Variants in TMEM161B observed in about 807,000 individuals in gnomAD.
TMEM161B encodes the protein transmembrane protein 161B.
In TMEM161B, 34 loss-of-function variants were observed where a neutral mutation model predicts 61.8. That is an observed-to-expected ratio of 0.55 (90% CI 0.42 to 0.73). The LOEUF is 0.73. Among genes scored for constraint, TMEM161B ranks in the 30% least tolerant of loss-of-function variants. The pLI is 0.00. For synonymous variants in TMEM161B, 167 were observed against 192.8 expected, an observed-to-expected ratio of 0.87 and a Z score of 1.11; for missense variants, 456 against 558.5, an observed-to-expected ratio of 0.82 and a Z score of 1.85.
chr5:88,268,173 TAA>T (rs922094563), intron 1 of TMEM161B, among the ~76,000 whole-genome samples: 1 of 152,228 alleles, frequency 6.6e-6, no homozygotes, highest in African/African-American at 2.4e-5. Context: ...TCCTTTCGAA[TAA>T]AGTCTGTCCT....
chr5:88,225,900 G>T, intron 3 of TMEM161B, 34 bp from the exon 4 acceptor site: 2 of 1,386,864 alleles, frequency 1.4e-6, no homozygotes. Context: ...CAAAAAACAA[G>T]TTACCTACAC....
At chr5:88,258,744 A>C (rs2112764952) in intron 1 of TMEM161B, among the ~76,000 whole-genome samples, 1 of 152,272 alleles carries the variant, frequency 6.6e-6, no homozygotes, top group Non-Finnish European at 1.5e-5. Flanking sequence ...AGAAAGCAGG[A>C]AACTATGGCA....
At chr5:88,237,680 A>C (rs929399695) in intron 2 of TMEM161B, among the ~76,000 whole-genome samples, 2 of 151,170 alleles carry the variant, frequency 1.3e-5, no homozygotes, top group African/African-American at 2.4e-5. Context: ...TTAAACAATT[A>C]TAAGGGTAAT....
intron 8 of TMEM161B, 141 bp from the exon 9 acceptor site, chr5:88,203,216 T>G: frequency 1.8e-6 from 1 of 553,648 alleles, no homozygotes; most frequent in Non-Finnish European, 3.2e-6. Flanking sequence ...CACCATCATT[T>G]TATATTTATC....
downstream of TMEM161B, among the ~76,000 whole-genome samples, chr5:88,191,558 A>T (rs1748854378): frequency 1.3e-5 from 2 of 152,208 alleles, no homozygotes; most frequent in Admixed American, 6.5e-5. Context: ...GTCATTTTCA[A>T]ATAACAATAA....
downstream of TMEM161B, among the ~76,000 whole-genome samples, chr5:88,191,390 A>G (rs939091178): frequency 1.3e-5 from 2 of 152,190 alleles, no homozygotes; most frequent in Non-Finnish European, 2.9e-5. Flanking sequence ...ACTAGATGCT[A>G]AGCTCTTGGA....
At chr5:88,202,438 A>AT (rs1321178222) in intron 9 of TMEM161B, 6 of 89,508 alleles carry the variant, frequency 6.7e-5, no homozygotes, top group African/African-American at 3.9e-4. Context: ...AAATATCCTT[A>AT]TTTTTTTTAG....
In TMEM161B at chr5:88,196,243, G is replaced by A. The variant is rs1234740469; in HGVS notation, c.1432C>T (p.Leu478Phe). Residue 478 changes from leucine to phenylalanine, a missense_variant, in exon 12 of 12, where the codon CTT becomes TTT. By Grantham distance (22) the Leu-to-Phe change is conservative. This residue lies in a region of TMEM161B where 367 missense variants were observed against 427.3 expected (regional missense o/e 0.86). Transcript: ENST00000296595. Reference sequence around the variant, plus strand: ...ACAGTCAGATACTGGTGATAGAAAAGCCCAAAAAGGCTTGTAGAAAAGAGG... The same window carrying A: ...ACAGTCAGATACTGGTGATAGAAAAACCCAAAAAGGCTTGTAGAAAAGAGG... ...ACLFSTSLFGLFYHQYLTVA is the reference protein window; with the variant it reads ...ACLFSTSLFGFFYHQYLTVA The A allele has an allele frequency of 6.2e-7, 1 of 1,612,182 alleles. No individual in the cohort carries two copies. Among genetic ancestry groups the A allele is most frequent in the South Asian group, 1.1e-5 (1 of 90,976 alleles).
At chr5:88,263,986 C>T (rs143349244) in intron 1 of TMEM161B, among the ~76,000 whole-genome samples, 4 of 152,116 alleles carry the variant, frequency 2.6e-5, no homozygotes, top group African/African-American at 7.2e-5. Context: ...ACTGCTAATA[C>T]ATGACCGAAT....
intron 4 of TMEM161B, chr5:88,221,550 T>C (rs1425700618): frequency 5.5e-6 from 2 of 365,170 alleles, no homozygotes; most frequent in African/African-American, 2.1e-5. Context: ...TATTTTGTTC[T>C]GCAAAAAAGT....
At chr5:88,202,854 C>G (rs979965311) in intron 9 of TMEM161B, 108 bp downstream of exon 9, 9 of 785,218 alleles carry the variant, frequency 1.1e-5, no homozygotes, top group African/African-American at 1.0e-4. Flanking sequence ...CTATTAATGT[C>G]TGAAAAATAC....
intron 4 of TMEM161B, among the ~76,000 whole-genome samples, chr5:88,223,750 G>T (rs182538588): frequency 0.03 from 4,534 of 152,120 alleles, 320 homozygotes; most frequent in East Asian, 0.17. Context: ...TTAGCCAGGC[G>T]TGGTGGCAGG....
At chr5:88,241,850 C>A (rs1022855382) in intron 1 of TMEM161B, among the ~76,000 whole-genome samples, 3 of 151,746 alleles carry the variant, frequency 2.0e-5, no homozygotes, top group African/African-American at 4.8e-5. Flanking sequence ...AAAATAGATA[C>A]AATCAAATGG....
rs200646494 is a variant in TMEM161B at position 88,244,376 on chromosome 5, A to G, written c.4-3460T>C. On this transcript the variant is annotated intron_variant, in intron 1 of 11. Transcript: ENST00000296595. ...ATGGCTTGCCAGTTATCCCAGTACGATTTACTGTGCAGGAAATCTTTCCCC... is the reference window on the plus strand; with the variant it reads ...ATGGCTTGCCAGTTATCCCAGTACGGTTTACTGTGCAGGAAATCTTTCCCC... Among the ~76,000 whole-genome samples, 28 of 151,814 alleles carry G rather than the reference A, an allele frequency of 1.8e-4. No homozygotes were observed. In the East Asian group the frequency reaches 5.4e-3, roughly 30 times the overall value.
At chr5:88,208,291 G>C (rs1745944653) in intron 5 of TMEM161B, among the ~76,000 whole-genome samples, 1 of 152,232 alleles carries the variant, frequency 6.6e-6, no homozygotes, top group Non-Finnish European at 1.5e-5. Flanking sequence ...AGACCATGCT[G>C]GCTAACATGA....
At chr5:88,190,095 G>C, downstream of TMEM161B, 1 of 700,786 alleles carries the variant, frequency 1.4e-6, no homozygotes, top group Non-Finnish European at 2.6e-6. Context: ...CTCAGTTCGT[G>C]TTGGATAAGC....
intron 9 of TMEM161B, chr5:88,202,187 G>A: frequency 2.2e-6 from 1 of 451,396 alleles, no homozygotes; most frequent in Non-Finnish European, 4.5e-6. Flanking sequence ...TTTTAGTGAG[G>A]AGGAGAGCTG....
chr5:88,212,626 A>G (rs1484055698), intron 5 of TMEM161B, among the ~76,000 whole-genome samples: 1 of 152,180 alleles, frequency 6.6e-6, no homozygotes, highest in Admixed American at 6.5e-5. Flanking sequence ...TCAGGAATTC[A>G]TGACCAGCCT....
intron 2 of TMEM161B, 104 bp from the exon 3 acceptor site, chr5:88,228,632 G>A (rs1182211667): frequency 1.7e-5 from 14 of 815,544 alleles, no homozygotes; most frequent in South Asian, 7.7e-5. Context: ...AGACACTGTC[G>A]AGAAATATCA....
Sources: allele counts gnomAD v4.1 joint callset (sites outside exome capture counted in the v4.1 genomes callset), GRCh38; gene constraint gnomAD v4.1.1; regional missense constraint gnomAD v4.1.1; transcripts MANE v1.5; gene names NCBI Gene and HGNC (gene_info 2026-07-23, HGNC 2026-07-21).